The following NEK1 variants were observed in gnomAD, a reference collection of about 807,000 sequenced individuals.
NEK1 encodes the protein serine/threonine-protein kinase Nek1.
In NEK1, 137 loss-of-function variants were observed where a neutral mutation model predicts 182.1. That is an observed-to-expected ratio of 0.75 (90% confidence interval 0.65 to 0.87). NEK1 has a LOEUF of 0.87. Among genes scored for constraint, NEK1 ranks in the 40% least tolerant of loss-of-function variants. The probability of loss-of-function intolerance (pLI) is 0.00; values close to 1 mark genes in which losing one functional copy is unlikely to be tolerated. For missense variants in NEK1, 1,391 were observed against 1,494.4 expected, an observed-to-expected ratio of 0.93 and a Z score of 1.14; for synonymous variants, 513 against 492.2, an observed-to-expected ratio of 1.04 and a Z score of -0.56.
intron 23 of NEK1, among the ~76,000 whole-genome samples, chr4:169,500,276 C>T (rs1477651095): frequency 1.3e-5 from 2 of 152,102 alleles, no homozygotes; most frequent in Admixed American, 6.5e-5. Flanking sequence ...GGGAGTGACC[C>T]GATTTTCCAG....
At position 169,477,064 on chromosome 4, in the gene NEK1, G is replaced by C. The variant is rs556140096; in HGVS notation, c.2434+60C>G. Reference sequence around the variant, plus strand: ...GTGTTCATTTTTTTCAGAGTGGTTAGTCTATAAGTTTACATATGTACTAGA... The same window carrying C: ...GTGTTCATTTTTTTCAGAGTGGTTACTCTATAAGTTTACATATGTACTAGA... On this transcript the variant is annotated intron_variant, in intron 26 of 35. Transcript: ENST00000507142. 8 of 1,136,480 alleles carry C rather than the reference G, an allele frequency of 7.0e-6. No individual in the cohort carries two copies. In the African/African-American group the frequency reaches 1.2e-4, roughly 18 times the overall value. 70.4% of individuals were successfully genotyped at this position (1,136,480 alleles called of 1,614,324 possible).
intron 27 of NEK1, among the ~76,000 whole-genome samples, chr4:169,452,965 C>G (rs1742124022): frequency 6.6e-6 from 1 of 152,166 alleles, no homozygotes; most frequent in Admixed American, 6.5e-5. Context: ...TCAGCAAAGT[C>G]TCAGGATACA....
intron 16 of NEK1, among the ~76,000 whole-genome samples, chr4:169,557,344 T>C (rs192737310): frequency 7.1e-4 from 103 of 145,012 alleles, no homozygotes; most frequent in African/African-American, 2.5e-3. Context: ...TAGTAAAAAA[T>C]AGAGATGTCA....
rs567285991 is a variant in NEK1, at chr4:169,493,607, T to C, written c.2007+13430A>G. Among the ~76,000 whole-genome samples the C allele has an allele frequency of 6.6e-5, 10 of 152,222 alleles. No homozygotes were observed. In the South Asian group the frequency reaches 1.9e-3, roughly 28 times the overall value. On this transcript the variant is annotated intron_variant, in intron 23 of 35. Transcript: ENST00000507142. ...ATTAACAAAGAACCAAACAGAACTT[T>C]TGGAATTAAAAAACTCACTATGGGA... is the stretch of plus-strand genomic sequence containing the variant.
At chr4:169,479,973 T>C (rs1339696385) in intron 23 of NEK1, among the ~76,000 whole-genome samples, 5 of 152,174 alleles carry the variant, frequency 3.3e-5, no homozygotes, top group Admixed American at 1.3e-4. Flanking sequence ...TAAATGAGAA[T>C]GGAAGGAGAA....
At chr4:169,428,450 T>C (rs1042509596) in intron 29 of NEK1, among the ~76,000 whole-genome samples, 1 of 149,104 alleles carries the variant, frequency 6.7e-6, no homozygotes, top group Non-Finnish European at 1.5e-5. Flanking sequence ...AAAAACAGTA[T>C]GTTAAGTAAA....
chr4:169,514,406 A>G (rs545480199), intron 19 of NEK1, among the ~76,000 whole-genome samples: 20 of 152,322 alleles, frequency 1.3e-4, no homozygotes, highest in Admixed American at 6.5e-4. Flanking sequence ...TATTCACTCC[A>G]CTACTACTTC....
intron 19 of NEK1, among the ~76,000 whole-genome samples, chr4:169,522,576 C>A (rs1004319595): frequency 6.6e-6 from 1 of 152,188 alleles, no homozygotes; most frequent in Non-Finnish European, 1.5e-5. Context: ...TTGTGATACT[C>A]TTCTGGTCTG....
At chr4:169,560,891 T>C (rs1209872765) in intron 16 of NEK1, among the ~76,000 whole-genome samples, 2 of 152,006 alleles carry the variant, frequency 1.3e-5, no homozygotes, top group Non-Finnish European at 2.9e-5. Flanking sequence ...GATTAACTCA[T>C]CTATGTAACT....
intron 19 of NEK1, 77 bp from the exon 20 acceptor site, chr4:169,508,929 C>CT (rs918086834): frequency 5.8e-6 from 7 of 1,211,376 alleles, no homozygotes; most frequent in Non-Finnish European, 8.1e-6. Context: ...TATCCAGGTG[C>CT]TACTTTATTT....
intron 19 of NEK1, among the ~76,000 whole-genome samples, chr4:169,534,793 T>C (rs922261121): frequency 7.2e-5 from 11 of 151,918 alleles, no homozygotes; most frequent in African/African-American, 2.7e-4. Context: ...ATTTATAAAA[T>C]ACGCAACGCT....
chr4:169,451,791 C>A (rs941553811), intron 27 of NEK1, among the ~76,000 whole-genome samples: 5 of 152,058 alleles, frequency 3.3e-5, no homozygotes, highest in African/African-American at 1.2e-4. Flanking sequence ...AAGATCAGAG[C>A]AGAACTGAAG....
At chr4:169,507,838 A>C (rs1272220242) in intron 21 of NEK1, 46 bp from the exon 22 acceptor site, 2 of 1,347,426 alleles carry the variant, frequency 1.5e-6, no homozygotes, top group Admixed American at 3.4e-5. Flanking sequence ...AGAATCATCA[A>C]ATTGAGTGCA....
chr4:169,499,631 T>C (rs1752038289), intron 23 of NEK1, among the ~76,000 whole-genome samples: 1 of 152,236 alleles, frequency 6.6e-6, no homozygotes, highest in African/African-American at 2.4e-5. Context: ...GTCAGGACCC[T>C]CAGCTGCAGG....
At chr4:169,443,584 GA>G (rs1739946553) in intron 27 of NEK1, among the ~76,000 whole-genome samples, 1 of 151,524 alleles carries the variant, frequency 6.6e-6, no homozygotes, top group Admixed American at 6.6e-5. Flanking sequence ...GAAAAAAAAA[GA>G]GATGGGCAAG....
At chr4:169,605,281 T>G (rs185445021) in intron 2 of NEK1, among the ~76,000 whole-genome samples, 161 of 152,296 alleles carry the variant, frequency 1.1e-3, no homozygotes, top group African/African-American at 3.7e-3. Context: ...ACAACATTAC[T>G]GAACATTGTG....
At chr4:169,512,484 ACTT>A in intron 19 of NEK1, among the ~76,000 whole-genome samples, 1 of 152,174 alleles carries the variant, frequency 6.6e-6, no homozygotes, top group African/African-American at 2.4e-5. Flanking sequence ...GAATTTTGAT[ACTT>A]CTTTATATTT....
intron 5 of NEK1, among the ~76,000 whole-genome samples, chr4:169,598,319 C>A (rs745366164): frequency 1.3e-5 from 2 of 151,986 alleles, no homozygotes; most frequent in African/African-American, 2.4e-5. Context: ...CTCTACTCCC[C>A]TATGTAAAAG....
At chr4:169,608,256 A>ACAGGAAGT (rs1315849740) in intron 2 of NEK1, among the ~76,000 whole-genome samples, 2 of 152,212 alleles carry the variant, frequency 1.3e-5, no homozygotes, top group African/African-American at 2.4e-5. Context: ...TAGGCAAATC[A>ACAGGAAGT]CAGGAAGTCC....
Sources: allele counts gnomAD v4.1 joint callset (sites outside exome capture counted in the v4.1 genomes callset), GRCh38; gene constraint gnomAD v4.1.1; transcripts MANE v1.5; gene names NCBI Gene and HGNC (gene_info 2026-07-23, HGNC 2026-07-21).